Variants in AK4 observed in about 807,000 individuals in gnomAD.
AK4 encodes adenylate kinase 4.
Under a neutral mutation model 24.6 loss-of-function variants are expected in AK4, and 13 were observed. The ratio of observed to expected loss-of-function variants is 0.53; its 90% CI spans 0.34 to 0.84. The LOEUF is 0.84. AK4 is among the 40% of genes least tolerant of loss of function. AK4 has a pLI of 0.01. For missense variants in AK4, 192 were observed against 288.2 expected, an observed-to-expected ratio of 0.67 and a Z score of 2.42; for synonymous variants, 88 against 107.0, an observed-to-expected ratio of 0.82 and a Z score of 1.10.
chr1:65,207,183 T>C (rs1346231282), intron 2 of AK4, among the ~76,000 whole-genome samples: 1 of 152,150 alleles, frequency 6.6e-6, no homozygotes, highest in East Asian at 1.9e-4. Context: ...TTTTAAAGTC[T>C]TTTTCTTTTT....
At position 65,148,392 on chromosome 1, in the gene AK4, C is replaced by A. The variant is rs751499026; in HGVS notation, c.-16C>A. On this transcript the variant is annotated 5_prime_UTR_variant, in exon 1 of 5. Transcript: ENST00000327299. The stretch of plus-strand genomic sequence containing the variant: ...TCGGGGCTGCGCGTTTGACCGCCCC[C>A]CTCCTCGCGAAGGCAATGGCTTCCA... 3 of 1,527,340 alleles carry A rather than the reference C, an allele frequency of 2.0e-6. No individual in the cohort carries two copies. The highest frequency in any genetic ancestry group is 2.5e-5 in the South Asian group (2 of 80,540). The allele number at this position is 1,527,340 out of a possible 1,614,324, so 94.6% of individuals were successfully genotyped here.
chr1:65,182,039 C>T (rs924645573), intron 1 of AK4, among the ~76,000 whole-genome samples: 6 of 152,134 alleles, frequency 3.9e-5, no homozygotes, highest in African/African-American at 1.4e-4. Context: ...CTTCAATCTC[C>T]AGAGTCGCTG....
chr1:65,152,285 G>A (rs1206592042), intron 1 of AK4, among the ~76,000 whole-genome samples: 1 of 126,568 alleles, frequency 7.9e-6, no homozygotes, highest in East Asian at 2.7e-4. Context: ...GATAAAAGAT[G>A]TTAAGGAACA....
rs570038150 is a variant in AK4, at chr1:65,179,291, A to G, written c.146-11419A>G. 5.3e-5 allele frequency among the ~76,000 whole-genome samples: 8 copies of G among 152,298 alleles called. No individual in the cohort carries two copies. In the East Asian group the frequency reaches 1.2e-3, roughly 22 times the overall value. On this transcript the variant is annotated intron_variant, in intron 1 of 4. Coordinates refer to ENST00000327299, the MANE Select transcript of AK4 (RefSeq NM_013410.4). ...CTAGTGTCATATTTCAGCAGCATGT[A>G]TGCTAACATGCAAAGTTGTTTCTGT...
Position 65,207,305 on chromosome 1 carries a change from C to T in AK4, c.266-11449C>T, listed in dbSNP as rs1196745657. Among the ~76,000 whole-genome samples, 3 of 152,160 alleles carry T rather than the reference C, an allele frequency of 2.0e-5. No homozygotes were observed. In the East Asian group the frequency reaches 5.8e-4, roughly 29 times the overall value. Reference sequence around the variant, plus strand: ...GATCACAGCTCACTGCATCCTCAGTCCCTTGGGCACAAGAAGTCCTCCCAT... The same window carrying T: ...GATCACAGCTCACTGCATCCTCAGTTCCTTGGGCACAAGAAGTCCTCCCAT... On this transcript the variant is annotated intron_variant, in intron 2 of 4. Transcript: ENST00000327299.
intron 2 of AK4, among the ~76,000 whole-genome samples, chr1:65,213,781 T>G (rs1336831325): frequency 6.6e-6 from 1 of 152,290 alleles, no homozygotes; most frequent in Admixed American, 6.5e-5. Context: ...AAGCCCTAAC[T>G]GCCCCCCCAG....
chr1:65,187,611 A>T (rs1299124922), intron 1 of AK4, among the ~76,000 whole-genome samples: 1 of 152,158 alleles, frequency 6.6e-6, no homozygotes, highest in African/African-American at 2.4e-5. Context: ...AAGCTGTCAT[A>T]AAAAAATGCT....
intron 4 of AK4, 149 bp downstream of exon 4, chr1:65,225,019 G>T: frequency 1.7e-6 from 1 of 588,258 alleles, no homozygotes; most frequent in Non-Finnish European, 3.0e-6. Flanking sequence ...CAGATGAAAT[G>T]CTGGAGCTGT....
chr1:65,204,731 A>G (rs917753669), intron 2 of AK4, among the ~76,000 whole-genome samples: 1 of 152,162 alleles, frequency 6.6e-6, no homozygotes, highest in Non-Finnish European at 1.5e-5. Flanking sequence ...GGGAACTTAT[A>G]CTTCCTTTAA....
At chr1:65,224,617 T>TA (rs1299315104) in intron 3 of AK4, 135 bp from the exon 4 acceptor site, 2 of 675,698 alleles carry the variant, frequency 3.0e-6, no homozygotes, top group East Asian at 2.6e-5. Flanking sequence ...CTCTTAAAAT[T>TA]ACCACTGTCA....
At chr1:65,167,617 T>C (rs1234855127) in intron 1 of AK4, among the ~76,000 whole-genome samples, 1 of 152,194 alleles carries the variant, frequency 6.6e-6, no homozygotes, top group Non-Finnish European at 1.5e-5. Context: ...CTAAACACTA[T>C]GCATAACAAT....
chr1:65,169,167 C>T (rs1268982221), intron 1 of AK4, among the ~76,000 whole-genome samples: 7 of 138,468 alleles, frequency 5.1e-5, no homozygotes, highest in Admixed American at 4.0e-4. Context: ...CAGAATGAGA[C>T]GCTGTCTCAA....
At position 65,148,542 on chromosome 1, in the gene AK4, G is replaced by T. The variant is rs767451603; in HGVS notation, c.135G>T (p.Lys45Asn). The change falls in exon 1 of 5, where the codon AAG (lysine) becomes AAT (asparagine). Residue 45 changes from lysine to asparagine, a missense_variant. Coordinates refer to ENST00000327299, the MANE Select transcript of AK4 (RefSeq NM_013410.4). ...GCCACTTCTTGCGGGAGAACATCAA[G>T]GCCAGCACCGGTGAGGGGCTGCGGG... is the stretch of plus-strand genomic sequence containing the variant. ...SSGHFLRENI[K>N]ASTEVGEMAK... The T allele has an allele frequency of 4.2e-5, 68 of 1,600,358 alleles. No homozygotes were observed. Among genetic ancestry groups the T allele is most frequent in the Non-Finnish European group, 5.3e-5 (62 of 1,173,566 alleles).
intron 2 of AK4, among the ~76,000 whole-genome samples, chr1:65,208,883 T>C (rs1465117325): frequency 2.6e-5 from 4 of 152,216 alleles, no homozygotes; most frequent in Non-Finnish European, 5.9e-5. Flanking sequence ...CTTGGGTTCT[T>C]GGCATGGCTG....
At chr1:65,174,863 GAATT>G (rs1326520750) in intron 1 of AK4, among the ~76,000 whole-genome samples, 1 of 152,168 alleles carries the variant, frequency 6.6e-6, no homozygotes, top group East Asian at 1.9e-4. Context: ...GTTGTTGTAA[GAATT>G]AATTGAGATA....
intron 1 of AK4, among the ~76,000 whole-genome samples, chr1:65,171,381 G>A (rs897543217): frequency 8.9e-5 from 11 of 123,314 alleles, no homozygotes; most frequent in Non-Finnish European, 1.6e-4. Context: ...CACAATCTCC[G>A]CACTGCAACC....
intron 2 of AK4, among the ~76,000 whole-genome samples, chr1:65,191,083 T>C (rs1651290775): frequency 6.6e-6 from 1 of 152,240 alleles, no homozygotes. Context: ...GCTTCAGCCC[T>C]TTTGTTTCCG....
intron 1 of AK4, among the ~76,000 whole-genome samples, chr1:65,161,785 A>G (rs1375182477): frequency 6.6e-6 from 1 of 152,220 alleles, no homozygotes. Flanking sequence ...AAGACACCTC[A>G]TATACCTTAT....
chr1:65,212,471 A>T (rs776723438), intron 2 of AK4, among the ~76,000 whole-genome samples: 25 of 151,920 alleles, frequency 1.6e-4, no homozygotes, highest in African/African-American at 6.0e-4. Flanking sequence ...ACCCATGCTC[A>T]CCCACCCAAC....
Sources: allele counts gnomAD v4.1 joint callset (sites outside exome capture counted in the v4.1 genomes callset), GRCh38; gene constraint gnomAD v4.1.1; transcripts MANE v1.5; gene names NCBI Gene and HGNC (gene_info 2026-07-23, HGNC 2026-07-21).